Variants in TMTC1 observed in about 807,000 individuals in gnomAD.
The protein encoded by TMTC1 is protein O-mannosyl-transferase TMTC1.
A neutral mutation model predicts 104.8 loss-of-function variants in TMTC1; 73 were observed. The observed-to-expected ratio is 0.70, with a 90% CI of 0.58 to 0.85. The LOEUF (loss-of-function observed/expected upper bound fraction) is 0.85. Among genes scored for constraint, TMTC1 ranks in the 40% least tolerant of loss-of-function variants. TMTC1 has a pLI of 0.00. For missense variants in TMTC1, 1,035 were observed against 1,096.1 expected, an observed-to-expected ratio of 0.94 and a Z score of 0.79; for synonymous variants, 434 against 428.7, an observed-to-expected ratio of 1.01 and a Z score of -0.15.
intron 5 of TMTC1, among the ~76,000 whole-genome samples, chr12:29,703,194 A>G (rs780439875): frequency 2.0e-5 from 3 of 152,004 alleles, no homozygotes; most frequent in Non-Finnish European, 4.4e-5. Context: ...GGGGATACAC[A>G]GCATGAACGG....
chr12:29,520,183 G>A (rs1944108088), intron 12 of TMTC1, among the ~76,000 whole-genome samples: 1 of 152,130 alleles, frequency 6.6e-6, no homozygotes, highest in Non-Finnish European at 1.5e-5. Context: ...AGTTTCTAAT[G>A]TACATCAAGG....
chr12:29,689,630 G>A lies in TMTC1; in HGVS notation c.939-56294C>T, dbSNP rs192787830. ...TTATAAGTTACATAGATGAGAAGGCGGAGGCACAAAGATTTTTAATACTTT... is the reference window on the plus strand; with the variant it reads ...TTATAAGTTACATAGATGAGAAGGCAGAGGCACAAAGATTTTTAATACTTT... On this transcript the variant is annotated intron_variant, in intron 5 of 17. Coordinates refer to ENST00000539277, the MANE Select transcript of TMTC1 (RefSeq NM_001193451.2). Among the ~76,000 whole-genome samples the A allele has an allele frequency of 8.1e-4, 124 of 152,254 alleles. 3 individuals are homozygous for A. The highest frequency in any genetic ancestry group is 5.2e-3 in the Admixed American group (79 of 15,294).
rs1943699761 is a variant in TMTC1 at position 29,506,648 on chromosome 12, T to G, written c.*198A>C. Reference sequence around the variant, plus strand: ...CCTCTCAGACCTTCTTGCCCTTGTTTGCTGTTTTCGTCTTCTTCATGGAAA... The same window carrying G: ...CCTCTCAGACCTTCTTGCCCTTGTTGGCTGTTTTCGTCTTCTTCATGGAAA... On this transcript the variant is annotated 3_prime_UTR_variant, in exon 18 of 18. Transcript: ENST00000539277. The G allele has an allele frequency of 5.0e-6, 3 of 602,280 alleles. No individual in the cohort carries two copies. In the African/African-American group the frequency reaches 5.6e-5, roughly 11 times the overall value. 37.3% of individuals were successfully genotyped at this position (602,280 alleles called of 1,614,324 possible).
chr12:29,764,626 C>A (rs930019768), intron 2 of TMTC1, among the ~76,000 whole-genome samples: 1 of 152,080 alleles, frequency 6.6e-6, no homozygotes, highest in Non-Finnish European at 1.5e-5. Flanking sequence ...ATAATAAGTC[C>A]CCCAATTTTA....
chr12:29,504,324 GTAT>G lies in TMTC1; in HGVS notation c.*2519_*2521del, dbSNP rs1943655111. 1 of 151,134 alleles carries G rather than the reference GTAT, an allele frequency of 6.6e-6. No individual in the cohort carries two copies. Among genetic ancestry groups the G allele is most frequent in the Non-Finnish European group, 1.5e-5 (1 of 67,892 alleles). 9.4% of individuals were successfully genotyped at this position (151,134 alleles called of 1,614,324 possible). A position where few individuals can be genotyped will look rare whatever the true frequency, so the allele number is the denominator to read the frequency against. ...TTTTTATTATAAAGGTAAGTTCCAT[GTAT>G]TATTTCATGTTACAAGGACCAAATG... On this transcript the variant is annotated 3_prime_UTR_variant, in exon 18 of 18. Coordinates refer to ENST00000539277, the MANE Select transcript of TMTC1 (RefSeq NM_001193451.2).
intron 6 of TMTC1, among the ~76,000 whole-genome samples, chr12:29,622,264 ACT>A (rs1246371164): frequency 6.6e-6 from 1 of 152,152 alleles, no homozygotes; most frequent in East Asian, 1.9e-4. Flanking sequence ...ATCTCAAGAC[ACT>A]CTGTGAGAAT....
At chr12:29,767,184 T>C (rs10843502) in intron 2 of TMTC1, among the ~76,000 whole-genome samples, 59,533 of 151,466 alleles carry the variant, frequency 0.39, 12,159 homozygotes, top group Admixed American at 0.54. Flanking sequence ...AACTTCTGAC[T>C]TCAAGTGATC....
At chr12:29,582,844 G>A (rs1407638284) in intron 8 of TMTC1, among the ~76,000 whole-genome samples, 1 of 152,224 alleles carries the variant, frequency 6.6e-6, no homozygotes, top group Non-Finnish European at 1.5e-5. Flanking sequence ...TTGTTTGGGT[G>A]TCAGGTGTGG....
In TMTC1 at chr12:29,691,524, C is replaced by T. The variant is rs1409286001; in HGVS notation, c.939-58188G>A. On this transcript the variant is annotated intron_variant, in intron 5 of 17. Coordinates refer to ENST00000539277, the MANE Select transcript of TMTC1 (RefSeq NM_001193451.2). ...AAATTCCCCTGTCTTGATAAATCAGCTCTGTCTAGGCAGCAGGCAAGGTGA... is the reference window on the plus strand; with the variant it reads ...AAATTCCCCTGTCTTGATAAATCAGTTCTGTCTAGGCAGCAGGCAAGGTGA... Among the ~76,000 whole-genome samples the T allele has an allele frequency of 3.6e-5, 4 of 110,354 alleles. 1 individual carries two copies. Among genetic ancestry groups the T allele is most frequent in the Non-Finnish European group, 5.8e-5 (3 of 51,730 alleles). The allele number at this position is 110,354 out of a possible 152,430, so 72.4% of individuals were successfully genotyped here. A position where few individuals can be genotyped will look rare whatever the true frequency, so the allele number is the denominator to read the frequency against.
intron 6 of TMTC1, among the ~76,000 whole-genome samples, chr12:29,612,556 C>T (rs1946872411): frequency 6.6e-6 from 1 of 152,146 alleles, no homozygotes; most frequent in South Asian, 2.1e-4. Context: ...GGATTACAGA[C>T]ATGTGCCATC....
chr12:29,638,585 CAAGCCG>C (rs1446454147), intron 5 of TMTC1, among the ~76,000 whole-genome samples: 1 of 152,196 alleles, frequency 6.6e-6, no homozygotes, highest in Non-Finnish European at 1.5e-5. Context: ...CTGATTAACA[CAAGCCG>C]CCTGCAGACG....
chr12:29,741,547 C>A (rs1021546230), intron 5 of TMTC1, among the ~76,000 whole-genome samples: 5 of 152,180 alleles, frequency 3.3e-5, no homozygotes, highest in African/African-American at 4.8e-5. Flanking sequence ...AGGGACATCG[C>A]AAATCAGAAT....
chr12:29,555,061 A>C (rs1565667438), intron 10 of TMTC1, among the ~76,000 whole-genome samples: 1 of 151,006 alleles, frequency 6.6e-6, no homozygotes. Flanking sequence ...ATTCAAGAAA[A>C]ATTTTACATC....
chr12:29,768,353 G>A (rs1030357233), intron 1 of TMTC1, among the ~76,000 whole-genome samples: 2 of 152,138 alleles, frequency 1.3e-5, no homozygotes, highest in Non-Finnish European at 2.9e-5. Context: ...TGCTGAGCCT[G>A]TTTTTCCATC....
At chr12:29,721,732 C>T (rs1942241882) in intron 5 of TMTC1, among the ~76,000 whole-genome samples, 1 of 152,008 alleles carries the variant, frequency 6.6e-6, no homozygotes, top group Admixed American at 6.5e-5. Context: ...GGTTTCAGAG[C>T]CCCTTTACAT....
At chr12:29,753,731 C>G (rs914250195) in intron 4 of TMTC1, among the ~76,000 whole-genome samples, 2 of 152,244 alleles carry the variant, frequency 1.3e-5, no homozygotes. Flanking sequence ...CTTAGATGCT[C>G]TTTGCGGGAA....
At chr12:29,597,159 C>T (rs1793668809) in intron 7 of TMTC1, among the ~76,000 whole-genome samples, 1 of 152,080 alleles carries the variant, frequency 6.6e-6, no homozygotes, top group African/African-American at 2.4e-5. Flanking sequence ...CTCATTTCCT[C>T]CTGACGTTCC....
At chr12:29,510,140 A>T (rs1943792593) in intron 17 of TMTC1, among the ~76,000 whole-genome samples, 2 of 152,214 alleles carry the variant, frequency 1.3e-5, no homozygotes, top group Admixed American at 1.3e-4. Context: ...CCTAGATGAA[A>T]TAGTTTACTA....
At chr12:29,608,189 C>T (rs888584775) in intron 6 of TMTC1, among the ~76,000 whole-genome samples, 4 of 152,148 alleles carry the variant, frequency 2.6e-5, no homozygotes, top group South Asian at 4.1e-4. Flanking sequence ...AAAAAAAGTG[C>T]ATCATGGACA....
Sources: gnomAD v4.1 joint callset for allele counts (sites outside exome capture counted in the v4.1 genomes callset) on GRCh38, gnomAD v4.1.1 for gene constraint, MANE v1.5 for transcripts, NCBI Gene and HGNC (gene_info 2026-07-23, HGNC 2026-07-21) for gene names.